DLG2: variants seen among roughly 807,000 people sequenced by gnomAD.
The protein encoded by DLG2 is discs large MAGUK scaffold protein 2, also known as disks large homolog 2.
A neutral mutation model predicts 132.5 loss-of-function variants in DLG2; 45 were observed. That is an observed-to-expected ratio of 0.34 (90% confidence interval 0.27 to 0.44). The LOEUF (loss-of-function observed/expected upper bound fraction) is 0.44. Ranked by LOEUF, DLG2 falls within the 20% of genes least tolerant of loss-of-function variation. The probability of loss-of-function intolerance (pLI) is 1.00; values close to 1 mark genes in which losing one functional copy is unlikely to be tolerated. For synonymous variants in DLG2, 424 were observed against 419.6 expected (o/e 1.01, Z -0.13); for missense variants, 1,045 against 1,196.9 (o/e 0.87, Z 1.87).
chr11:83,943,092 G>A (rs1197995371), intron 14 of DLG2, among the ~76,000 whole-genome samples: 1 of 152,142 alleles, frequency 6.6e-6, no homozygotes, highest in Non-Finnish European at 1.5e-5. Context: ...TGCCATGATT[G>A]TGAGGCTTCC....
intron 6 of DLG2, among the ~76,000 whole-genome samples, chr11:84,838,800 T>C (rs1293639603): frequency 6.6e-6 from 1 of 152,092 alleles, no homozygotes; most frequent in Non-Finnish European, 1.5e-5. Context: ...CAACGCTTCA[T>C]GCTAAAAACT....
At chr11:83,527,536 C>G (rs1209886087) in intron 21 of DLG2, among the ~76,000 whole-genome samples, 1 of 149,808 alleles carries the variant, frequency 6.7e-6, no homozygotes, top group Non-Finnish European at 1.5e-5. Flanking sequence ...CAGAGAGAGA[C>G]CTTGTCTCTA....
intron 15 of DLG2, among the ~76,000 whole-genome samples, chr11:83,886,288 G>C (rs887327136): frequency 6.6e-6 from 1 of 152,046 alleles, no homozygotes; most frequent in Non-Finnish European, 1.5e-5. Flanking sequence ...AAAAGGCAGG[G>C]GTTGCAATCC....
chr11:85,222,968 T>G (rs1379163717), intron 4 of DLG2, among the ~76,000 whole-genome samples: 1 of 152,138 alleles, frequency 6.6e-6, no homozygotes, highest in East Asian at 1.9e-4. Context: ...AGTGGGCATT[T>G]CAGATTTCTC....
intron 3 of DLG2, among the ~76,000 whole-genome samples, chr11:85,436,371 C>T (rs554260615): frequency 6.6e-6 from 1 of 152,052 alleles, no homozygotes; most frequent in Non-Finnish European, 1.5e-5. Context: ...AGCAAACAAC[C>T]ATCCTACAGA....
At chr11:84,320,166 C>A (rs1381021561) in intron 7 of DLG2, among the ~76,000 whole-genome samples, 1 of 152,188 alleles carries the variant, frequency 6.6e-6, no homozygotes, top group South Asian at 2.1e-4. Flanking sequence ...AGATGGTGCA[C>A]AGAGCAATGC....
intron 6 of DLG2, among the ~76,000 whole-genome samples, chr11:84,725,252 T>C (rs758088156): frequency 6.6e-6 from 1 of 152,150 alleles, no homozygotes; most frequent in Non-Finnish European, 1.5e-5. Flanking sequence ...ATAGTGTTTG[T>C]TATTTAGTAA....
At chr11:85,467,358 T>C (rs372854380) in intron 3 of DLG2, among the ~76,000 whole-genome samples, 16 of 151,912 alleles carry the variant, frequency 1.1e-4, no homozygotes, top group Admixed American at 3.3e-4. Flanking sequence ...TGAATAGGAG[T>C]GGTGAGAGAG....
At chr11:84,550,185 T>C (rs1056576056) in intron 6 of DLG2, among the ~76,000 whole-genome samples, 38 of 151,714 alleles carry the variant, frequency 2.5e-4, no homozygotes, top group Admixed American at 2.1e-3. Context: ...CAATTCAGCC[T>C]TATCACCATT....
chr11:83,532,989 G>A (rs3815988), intron 20 of DLG2, among the ~76,000 whole-genome samples: 103,203 of 152,070 alleles, frequency 0.68, 35,848 homozygotes, highest in African/African-American at 0.81. Context: ...ACTCCGATAC[G>A]TATACTGAGA....
intron 3 of DLG2, among the ~76,000 whole-genome samples, chr11:85,570,226 G>A (rs906911650): frequency 3.9e-5 from 6 of 152,058 alleles, no homozygotes; most frequent in Admixed American, 2.0e-4. Context: ...AATAAATGTG[G>A]TTATCTGATA....
chr11:84,586,574 G>A (rs934824104), intron 6 of DLG2, among the ~76,000 whole-genome samples: 8 of 151,998 alleles, frequency 5.3e-5, no homozygotes, highest in Non-Finnish European at 1.0e-4. Flanking sequence ...GTCAATTTTT[G>A]TCTTTTAACT....
chr11:84,012,719 G>C (rs1171800023), intron 11 of DLG2, among the ~76,000 whole-genome samples: 1 of 152,114 alleles, frequency 6.6e-6, no homozygotes, highest in African/African-American at 2.4e-5. Flanking sequence ...AGCAGGATCA[G>C]TCAGAAAAGT....
At chr11:84,978,778 CA>C (rs1289145606) in intron 6 of DLG2, among the ~76,000 whole-genome samples, 1 of 152,084 alleles carries the variant, frequency 6.6e-6, no homozygotes, top group Non-Finnish European at 1.5e-5. Flanking sequence ...TCTAAAACAC[CA>C]AAAGCAATGG....
At position 85,285,277 on chromosome 11, in the gene DLG2, T is replaced by A; in HGVS notation, c.129A>T (p.Lys43Asn). The change falls in exon 4 of 28, where the codon AAA becomes AAT. Residue 43 changes from lysine (K) to asparagine (N), a missense_variant. Lys to Asn is a moderately conservative substitution (Grantham distance 94). Around this residue, in one of 4 missense-constraint regions of DLG2, gnomAD observed 277 missense variants for 238.2 expected, o/e 1.16. Coordinates refer to ENST00000376104, the MANE Select transcript of DLG2 (RefSeq NM_001142699.3). ...GAGCAAGAAGGGATGTCTTCTCCCA[T>A]TTCTGTAAAACTTGATTGGCTTCTT... ...KIEEANQVLQ[K>N]WEKTSLLAPC... 7 of 1,612,138 alleles carry A rather than the reference T, an allele frequency of 4.3e-6. No individual in the cohort carries two copies. The highest frequency in any genetic ancestry group is 5.1e-6 in the Non-Finnish European group (6 of 1,178,678).
intron 8 of DLG2, among the ~76,000 whole-genome samples, chr11:84,208,492 C>T (rs373837408): frequency 1.8e-3 from 275 of 151,806 alleles, no homozygotes; most frequent in African/African-American, 5.3e-3. Flanking sequence ...TACAGGTGCG[C>T]GCCACCACAC....
chr11:83,672,467 G>A (rs1384953543), intron 18 of DLG2, among the ~76,000 whole-genome samples: 4 of 152,090 alleles, frequency 2.6e-5, no homozygotes, highest in African/African-American at 4.8e-5. Flanking sequence ...GTGAGCCACC[G>A]TGCCCGGCCT....
Position 84,916,172 on chromosome 11 carries a change from C to T in DLG2, c.357+195489G>A, listed in dbSNP as rs192552938. Among the ~76,000 whole-genome samples the T allele has an allele frequency of 2.9e-3, 435 of 150,914 alleles. 2 individuals carry two copies. Among genetic ancestry groups the T allele is most frequent in the Middle Eastern group, 0.014 (4 of 290 alleles). On this transcript the variant is annotated intron_variant, in intron 6 of 27. Coordinates refer to ENST00000376104, the MANE Select transcript of DLG2 (RefSeq NM_001142699.3). ...CATCCCGGCTAAAACGGTGAAACCC[C>T]GTCTCTACTAAAAATACAAAAAAAA...
At chr11:84,344,872 C>T (rs917130784) in intron 7 of DLG2, among the ~76,000 whole-genome samples, 20 of 151,978 alleles carry the variant, frequency 1.3e-4, no homozygotes, top group Non-Finnish European at 2.8e-4. Flanking sequence ...TTTCTTCTAC[C>T]GTATGGAAGG....
Sources: gnomAD v4.1 joint callset for allele counts (sites outside exome capture counted in the v4.1 genomes callset) on GRCh38, gnomAD v4.1.1 for gene constraint, gnomAD v4.1.1 regional missense constraint, MANE v1.5 for transcripts, NCBI Gene and HGNC (gene_info 2026-07-23, HGNC 2026-07-21) for gene names.